CFAP91: variants seen among roughly 807,000 people sequenced by gnomAD.
CFAP91 encodes cilia and flagella associated protein 91.
In CFAP91, 85 loss-of-function variants were observed where a neutral mutation model predicts 95.9. The ratio of observed to expected loss-of-function variants is 0.89; its 90% CI spans 0.74 to 1.06. CFAP91 has a LOEUF of 1.06. Among genes scored for constraint, CFAP91 ranks in the 50% least tolerant of loss-of-function variants. The pLI, the probability that CFAP91 is intolerant of heterozygous loss-of-function variation, is 0.00. For missense variants in CFAP91, 962 were observed against 943.4 expected, an observed-to-expected ratio of 1.02 and a Z score of -0.26; for synonymous variants, 335 against 327.5, an observed-to-expected ratio of 1.02 and a Z score of -0.25.
Position 119,740,655 on chromosome 3 carries a change from C to T in CFAP91, c.1640C>T (p.Thr547Ile), listed in dbSNP as rs780939172. Residue 547 changes from threonine to isoleucine, a missense_variant, in exon 13 of 18, where the codon ACC (threonine) becomes ATC (isoleucine). Coordinates refer to ENST00000273390, the MANE Select transcript of CFAP91 (RefSeq NM_033364.4). ...GTGAAAAAAGCCGAGAAGCAAGTGACCCTGGCCTTACAGCGGCAGAGGAAC... is the reference window on the plus strand; with the variant it reads ...GTGAAAAAAGCCGAGAAGCAAGTGATCCTGGCCTTACAGCGGCAGAGGAAC... ...KLVKKAEKQV[T>I]LALQRQRNLH... The T allele has an allele frequency of 1.9e-6, 3 of 1,614,184 alleles. No homozygotes were observed. Among genetic ancestry groups the T allele is most frequent in the South Asian group, 1.1e-5 (1 of 91,088 alleles).
chr3:119,764,331 A>G (rs2054592550), intron 17 of CFAP91, among the ~76,000 whole-genome samples: 1 of 152,186 alleles, frequency 6.6e-6, no homozygotes, highest in Non-Finnish European at 1.5e-5. Flanking sequence ...GCATCATATC[A>G]TATGAAAATA....
intron 5 of CFAP91, among the ~76,000 whole-genome samples, chr3:119,714,088 C>T (rs999477367): frequency 6.6e-6 from 1 of 151,866 alleles, no homozygotes; most frequent in Non-Finnish European, 1.5e-5. Context: ...AGCAGCCGGG[C>T]GCGGTGGCTC....
chr3:119,743,942 T>G (rs764331844), intron 13 of CFAP91, 33 bp from the exon 14 acceptor site: 1 of 1,534,888 alleles, frequency 6.5e-7, no homozygotes, highest in Non-Finnish European at 8.8e-7. Flanking sequence ...ATAATGGAAT[T>G]TGTGTCCTTA....
intron 3 of CFAP91, among the ~76,000 whole-genome samples, chr3:119,707,825 T>C (rs2053399339): frequency 6.6e-6 from 1 of 151,396 alleles, no homozygotes; most frequent in Non-Finnish European, 1.5e-5. Context: ...GGATCCAACT[T>C]AGCAACTGAA....
At chr3:119,729,196 A>G (rs1351004478) in intron 7 of CFAP91, among the ~76,000 whole-genome samples, 1 of 152,190 alleles carries the variant, frequency 6.6e-6, no homozygotes, top group Non-Finnish European at 1.5e-5. Context: ...TGAGCCAGGG[A>G]ATACAAGAAG....
chr3:119,725,298 A>G (rs560780919), intron 6 of CFAP91, among the ~76,000 whole-genome samples: 1 of 152,336 alleles, frequency 6.6e-6, no homozygotes, highest in South Asian at 2.1e-4. Flanking sequence ...GTCAGGAGAC[A>G]TATCCAGTGG....
chr3:119,739,927 G>A (rs2054084561), intron 12 of CFAP91, among the ~76,000 whole-genome samples: 1 of 152,128 alleles, frequency 6.6e-6, no homozygotes, highest in East Asian at 1.9e-4. Context: ...GTCTTCCCGA[G>A]TGTAAAGCCT....
At chr3:119,737,312 A>G in intron 10 of CFAP91, 54 bp from the exon 11 acceptor site, 1 of 1,169,624 alleles carries the variant, frequency 8.5e-7, no homozygotes, top group Non-Finnish European at 1.2e-6. Context: ...TACCTCTTAA[A>G]TTTATGCAAA....
At chr3:119,741,576 G>A (rs886729336) in intron 13 of CFAP91, among the ~76,000 whole-genome samples, 10 of 152,090 alleles carry the variant, frequency 6.6e-5, no homozygotes, top group African/African-American at 2.4e-4. Context: ...TTCTTCCAAT[G>A]TTTGTCTATA....
chr3:119,745,207 A>T (rs932808483), intron 14 of CFAP91, among the ~76,000 whole-genome samples: 1 of 152,170 alleles, frequency 6.6e-6, no homozygotes, highest in African/African-American at 2.4e-5. Context: ...CAACCTTCCT[A>T]ATTAAAATAT....
chr3:119,743,634 T>C (rs2054163950), intron 13 of CFAP91, among the ~76,000 whole-genome samples: 1 of 152,190 alleles, frequency 6.6e-6, no homozygotes, highest in Admixed American at 6.5e-5. Context: ...ACTTGACATT[T>C]CCCTTCATAT....
rs1050553139 is a variant in CFAP91 at position 119,726,486 on chromosome 3, G to T, written c.860+138G>T. ...TATAGAGATAGGAAATTGGGCATCC[G>T]GTTCTTTCAGGAGCAGTCACATGCT... On this transcript the variant is annotated intron_variant, in intron 7 of 17. Coordinates refer to ENST00000273390, the MANE Select transcript of CFAP91 (RefSeq NM_033364.4). 9 of 733,396 alleles carry T rather than the reference G, an allele frequency of 1.2e-5. No homozygotes were observed. In the African/African-American group the frequency reaches 1.6e-4, roughly 13 times the overall value. 45.4% of individuals were successfully genotyped at this position (733,396 alleles called of 1,614,324 possible).
chr3:119,728,948 G>A (rs570171884), intron 7 of CFAP91, among the ~76,000 whole-genome samples: 8 of 152,194 alleles, frequency 5.3e-5, no homozygotes, highest in Non-Finnish European at 1.2e-4. Flanking sequence ...AGTGCTTGTT[G>A]AGAGAAGGTG....
chr3:119,724,589 TC>T (rs2053746428), intron 6 of CFAP91, among the ~76,000 whole-genome samples: 1 of 152,176 alleles, frequency 6.6e-6, no homozygotes, highest in Admixed American at 6.5e-5. Context: ...TTTATTTACT[TC>T]TTTATACATC....
chr3:119,745,611 T>C (rs2107906414), intron 14 of CFAP91, among the ~76,000 whole-genome samples: 1 of 152,366 alleles, frequency 6.6e-6, no homozygotes, highest in South Asian at 2.1e-4. Context: ...ACCTCTCTAC[T>C]ATTACGTGAC....
intron 16 of CFAP91, among the ~76,000 whole-genome samples, chr3:119,748,594 C>T (rs771402684): frequency 6.6e-6 from 1 of 152,060 alleles, no homozygotes; most frequent in Non-Finnish European, 1.5e-5. Context: ...AAAATTATAC[C>T]GGGGAATTCC....
chr3:119,740,485 C>G, intron 12 of CFAP91, 64 bp from the exon 13 acceptor site: 1 of 1,575,620 alleles, frequency 6.3e-7, no homozygotes, highest in Non-Finnish European at 8.6e-7. Flanking sequence ...CTGCGTGTGA[C>G]TCCTAGTGCT....
At chr3:119,714,227 G>C (rs530369804) in intron 5 of CFAP91, among the ~76,000 whole-genome samples, 1 of 152,116 alleles carries the variant, frequency 6.6e-6, no homozygotes, top group East Asian at 1.9e-4. Flanking sequence ...TTAGCCGGGC[G>C]TGGTGGCGGG....
chr3:119,729,518 C>A (rs1354937780), intron 7 of CFAP91, among the ~76,000 whole-genome samples: 2 of 151,916 alleles, frequency 1.3e-5, no homozygotes, highest in African/African-American at 4.8e-5. Context: ...GTGGTGGGTG[C>A]CTGTAGTCCC....
Sources: allele counts gnomAD v4.1 joint callset (sites outside exome capture counted in the v4.1 genomes callset), GRCh38; gene constraint gnomAD v4.1.1; transcripts MANE v1.5; gene names NCBI Gene and HGNC (gene_info 2026-07-23, HGNC 2026-07-21).